Variants in ZNF423 observed in about 807,000 individuals in gnomAD.
The protein encoded by ZNF423 is zinc finger protein 423.
In ZNF423, 12 loss-of-function variants were observed where a neutral mutation model predicts 95.8. That is an observed-to-expected ratio of 0.13 (90% CI 0.08 to 0.20). The LOEUF is 0.20. Among genes scored for constraint, ZNF423 ranks in the 10% least tolerant of loss-of-function variants. The probability of loss-of-function intolerance (pLI) is 1.00; values close to 1 mark genes in which losing one functional copy is unlikely to be tolerated. For synonymous variants in ZNF423, 749 were observed against 711.9 expected (o/e 1.05, Z -0.83); for missense variants, 1,316 against 1,737.1 (o/e 0.76, Z 4.31).
chr16:49,834,414 T>A (rs2144068811), intron 1 of ZNF423, among the ~76,000 whole-genome samples: 1 of 151,858 alleles, frequency 6.6e-6, no homozygotes, highest in African/African-American at 2.4e-5. Flanking sequence ...CCAGAGAGGG[T>A]TGGTGGAGTT....
At chr16:49,535,578 A>G (rs1316006445) in intron 5 of ZNF423, among the ~76,000 whole-genome samples, 2 of 152,180 alleles carry the variant, frequency 1.3e-5, no homozygotes, top group Non-Finnish European at 2.9e-5. Flanking sequence ...ACCACACACA[A>G]GAGAACAAGC....
At chr16:49,704,376 C>T (rs372103732) in intron 3 of ZNF423, among the ~76,000 whole-genome samples, 1 of 152,280 alleles carries the variant, frequency 6.6e-6, no homozygotes, top group East Asian at 1.9e-4. Flanking sequence ...AGGGCTCTGA[C>T]ACCTTTCTCC....
At chr16:49,578,650 C>T (rs1380924464) in intron 5 of ZNF423, among the ~76,000 whole-genome samples, 7 of 152,248 alleles carry the variant, frequency 4.6e-5, no homozygotes, top group South Asian at 2.1e-4. Flanking sequence ...TGGCTCCACA[C>T]GGCTGCCTGG....
At chr16:49,732,624 C>T (rs2033195524) in intron 2 of ZNF423, among the ~76,000 whole-genome samples, 1 of 152,250 alleles carries the variant, frequency 6.6e-6, no homozygotes, top group South Asian at 2.1e-4. Flanking sequence ...GCTCAGTGCA[C>T]AACCTGCAAA....
chr16:49,726,001 T>C (rs975592646), intron 3 of ZNF423, among the ~76,000 whole-genome samples: 1 of 152,194 alleles, frequency 6.6e-6, no homozygotes, highest in East Asian at 1.9e-4. Flanking sequence ...GCAGTCTTAC[T>C]ACCTACAACA....
chr16:49,539,225 G>C lies in ZNF423; in HGVS notation c.3602-13731C>G, dbSNP rs559572489. Among the ~76,000 whole-genome samples, 30 of 152,252 alleles carry C rather than the reference G, an allele frequency of 2.0e-4. No individual in the cohort carries two copies. In the Middle Eastern group the frequency reaches 0.01, roughly 52 times the overall value. On this transcript the variant is annotated intron_variant, in intron 5 of 7. Transcript: ENST00000563137. ...TCCAGGTCTCAACACCATCCCAAAT[G>C]CAGGAACCCAGACATGTGGCTCTGG...
At chr16:49,782,168 G>A (rs185761465) in intron 2 of ZNF423, among the ~76,000 whole-genome samples, 9 of 152,364 alleles carry the variant, frequency 5.9e-5, no homozygotes, top group East Asian at 3.9e-4. Flanking sequence ...AGGAGTGACC[G>A]GGGCACAGAG....
rs376463589 is a variant in ZNF423 at position 49,754,973 on chromosome 16, T to A, written c.101-24002A>T. Among the ~76,000 whole-genome samples, 6 of 152,296 alleles carry A rather than the reference T, an allele frequency of 3.9e-5. No homozygotes were observed. In the East Asian group the frequency reaches 1.2e-3, roughly 29 times the overall value. On this transcript the variant is annotated intron_variant, in intron 2 of 7. Coordinates refer to ENST00000563137, the MANE Select transcript of ZNF423 (RefSeq NM_001379286.1). ...CTGACTCAGGGTTTTCAGCTATTTC[T>A]TTCTAGAACAATACACTCACTGCAA...
intron 5 of ZNF423, among the ~76,000 whole-genome samples, chr16:49,538,323 C>T (rs1969125031): frequency 6.6e-6 from 1 of 152,238 alleles, no homozygotes; most frequent in Non-Finnish European, 1.5e-5. Flanking sequence ...AAACGCCCCA[C>T]CGTACAGCTC....
At position 49,716,975 on chromosome 16, in the gene ZNF423, T is replaced by C. The variant is rs74731390; in HGVS notation, c.301+13796A>G. The stretch of plus-strand genomic sequence containing the variant: ...ATGTCAATCACAGGATCTCAAGGTT[T>C]GAAGGAACCTGATAAATCCACATGC... On this transcript the variant is annotated intron_variant, in intron 3 of 7. Coordinates refer to ENST00000563137, the MANE Select transcript of ZNF423 (RefSeq NM_001379286.1). Among the ~76,000 whole-genome samples the C allele has an allele frequency of 9.3e-3, 1,410 of 152,218 alleles. 39 individuals are homozygous for C. The highest frequency in any genetic ancestry group is 0.081 in the East Asian group (418 of 5,172).
At chr16:49,632,498 GC>G (rs762162962) in intron 4 of ZNF423, among the ~76,000 whole-genome samples, 6 of 152,046 alleles carry the variant, frequency 3.9e-5, no homozygotes, top group Non-Finnish European at 8.8e-5. Context: ...ATCTCCCCAG[GC>G]CTCCAGGCAG....
intron 7 of ZNF423, among the ~76,000 whole-genome samples, chr16:49,505,933 G>T (rs1004638021): frequency 1.3e-5 from 2 of 152,190 alleles, no homozygotes; most frequent in African/African-American, 4.8e-5. Flanking sequence ...AAGTGGGTCT[G>T]CCCTGTGCCC....
In ZNF423 at chr16:49,654,825, G is replaced by A. The variant is rs537259761; in HGVS notation, c.302-15951C>T. Among the ~76,000 whole-genome samples, 6 of 152,352 alleles carry A rather than the reference G, an allele frequency of 3.9e-5. No individual in the cohort carries two copies. In the South Asian group the frequency reaches 1.2e-3, roughly 32 times the overall value. ...ACTCCTCTCCAGCATTTCAGCAAAA[G>A]AGAGGGCAGAGTCCACGCTTAGCAT... On this transcript the variant is annotated intron_variant, in intron 3 of 7. Transcript: ENST00000563137.
At chr16:49,632,919 G>A (rs1375816130) in intron 4 of ZNF423, among the ~76,000 whole-genome samples, 1 of 152,200 alleles carries the variant, frequency 6.6e-6, no homozygotes, top group Non-Finnish European at 1.5e-5. Flanking sequence ...AAAGGGAGGG[G>A]TGATCTGGGT....
chr16:49,622,117 A>C (rs937520271), intron 5 of ZNF423, among the ~76,000 whole-genome samples: 13 of 152,232 alleles, frequency 8.5e-5, no homozygotes, highest in African/African-American at 2.9e-4. Flanking sequence ...ATGCCTGGGA[A>C]TGCATGCCTT....
rs528007456 is a variant in ZNF423, at chr16:49,638,585, C to T, written c.591G>A (p.Thr197=). 9.9e-6 allele frequency: 16 copies of T among 1,613,774 alleles called. No homozygotes were observed. The highest frequency in any genetic ancestry group is 6.6e-5 in the South Asian group (6 of 91,068). The change falls in exon 4 of 8, where the codon ACG becomes ACA. Residue 197 remains threonine (T), a synonymous_variant. Coordinates refer to ENST00000563137, the MANE Select transcript of ZNF423 (RefSeq NM_001379286.1). The surrounding 1 kb of genome is among the most constrained non-coding windows in gnomAD (Gnocchi z 5.6). ...RSRDRHIKLH[T]GDKKYHCHEC... ...CGTGGCAGTGATACTTCTTGTCGCC[C>T]GTATGCAGCTTGATGTGCCGGTCAC... is the stretch of plus-strand genomic sequence containing the variant.
chr16:49,520,263 C>T (rs1391921078), intron 7 of ZNF423, among the ~76,000 whole-genome samples: 3 of 152,166 alleles, frequency 2.0e-5, no homozygotes. Context: ...CTCTCATGTT[C>T]CTAATTATTC....
Position 49,636,835 on chromosome 16 carries a change from G to A in ZNF423, c.2341C>T (p.His781Tyr). ...ADLQVHVKHS[H>Y]LGNPAKAHKC... ...TGAGCCTTGGCCGGGTTGCCCAGGT[G>A]GCTGTGTTTGACGTGCACCTGCAGG... Residue 781 changes from histidine to tyrosine, a missense_variant, in exon 4 of 8, where the codon CAC (histidine) becomes TAC (tyrosine). Physicochemically the swap from His to Tyr is moderately conservative, Grantham distance 83. Transcript: ENST00000563137. The surrounding 1 kb of genome is among the most constrained non-coding windows in gnomAD (Gnocchi z 8.6). 6.2e-7 allele frequency: 1 copy of A among 1,614,092 alleles called. No individual in the cohort carries two copies. Among genetic ancestry groups the A allele is most frequent in the East Asian group, 2.2e-5 (1 of 44,862 alleles).
rs117360930 is a variant in ZNF423, at chr16:49,720,478, C to T, written c.301+10293G>A. Among the ~76,000 whole-genome samples, 27 of 152,314 alleles carry T rather than the reference C, an allele frequency of 1.8e-4. No homozygotes were observed. In the East Asian group the frequency reaches 4.6e-3, roughly 26 times the overall value. On this transcript the variant is annotated intron_variant, in intron 3 of 7. Transcript: ENST00000563137. ...CAGAGAGTGCTGGCTAAGCTACCAC[C>T]TCCCTGTGTGACCTGGGACAAGTAC...
Sources: allele counts gnomAD v4.1 joint callset (sites outside exome capture counted in the v4.1 genomes callset), GRCh38; gene constraint gnomAD v4.1.1; non-coding constraint Gnocchi (gnomAD v3.1); transcripts MANE v1.5; gene names NCBI Gene and HGNC (gene_info 2026-07-23, HGNC 2026-07-21).